The following TGFB1I1 variants were observed in gnomAD, a reference collection of about 807,000 sequenced individuals.
TGFB1I1 encodes transforming growth factor beta-1-induced transcript 1 protein.
A neutral mutation model predicts 52.0 loss-of-function variants in TGFB1I1; 33 were observed. The observed-to-expected ratio is 0.63, with a 90% CI of 0.48 to 0.85. The LOEUF (loss-of-function observed/expected upper bound fraction) is 0.85. TGFB1I1 is among the 40% of genes least tolerant of loss of function. The pLI, the probability that TGFB1I1 is intolerant of heterozygous loss-of-function variation, is 0.00. For synonymous variants in TGFB1I1, 236 were observed against 253.3 expected, an observed-to-expected ratio of 0.93 and a Z score of 0.65; for missense variants, 577 against 614.9, an observed-to-expected ratio of 0.94 and a Z score of 0.65.
At position 31,477,463 on chromosome 16, in the gene TGFB1I1, C is replaced by T. The variant is rs1213154896; in HGVS notation, c.1273C>T (p.His425Tyr). 1.9e-6 allele frequency: 3 copies of T among 1,601,704 alleles called. No homozygotes were observed. The highest frequency in any genetic ancestry group is 2.3e-5 in the East Asian group (1 of 44,190). The change falls in exon 11 of 11, where the codon CAC (histidine) becomes TAC (tyrosine). Residue 425 changes from histidine to tyrosine, a missense_variant. Coordinates refer to ENST00000394863, the MANE Select transcript of TGFB1I1 (RefSeq NM_001042454.3). This position sits in a 1 kb window ranked among gnomAD's most constrained non-coding sequence, Gnocchi z 4.7. Reference protein sequence around the residue: ...RCVSALGRRFHPDHFTCTFCL... With the variant: ...RCVSALGRRFYPDHFTCTFCL... ...CGTGTCGGCCCTGGGTCGCCGCTTC[C>T]ACCCGGACCACTTCACATGCACCTT...
Position 31,477,389 on chromosome 16 carries a change from G to A in TGFB1I1, c.1199G>A (p.Arg400Gln). ...RPLCENHFHA[R>Q]RGSLCATCGL... ...TTGTGCGAGAACCACTTCCACGCAC[G>A]ACGCGGCTCGCTGTGCGCCACGTGT... The change falls in exon 11 of 11, where the codon CGA (arginine) becomes CAA (glutamine). Residue 400 changes from arginine to glutamine, a missense_variant. Transcript: ENST00000394863. The surrounding 1 kb of genome is among the most constrained non-coding windows in gnomAD (Gnocchi z 4.7). 6.2e-7 allele frequency: 1 copy of A among 1,611,118 alleles called. No individual in the cohort carries two copies. Among genetic ancestry groups the A allele is most frequent in the Non-Finnish European group, 8.5e-7 (1 of 1,179,190 alleles).
Position 31,477,166 on chromosome 16 carries a change from G to C in TGFB1I1, c.1120-144G>C. ...CTGCTAGGAACCTCGGGTGGGGCGA[G>C]TTTTCCGGGCAGGGTCCCACCGGAC... On this transcript the variant is annotated intron_variant, in intron 10 of 10. Transcript: ENST00000394863. The surrounding 1 kb of genome is among the most constrained non-coding windows in gnomAD (Gnocchi z 4.7). The C allele has an allele frequency of 7.0e-7, 1 of 1,434,332 alleles. No homozygotes were observed. The highest frequency in any genetic ancestry group is 9.3e-7 in the Non-Finnish European group (1 of 1,078,746). 88.9% of individuals were successfully genotyped at this position (1,434,332 alleles called of 1,614,324 possible).
chr16:31,472,404 C>T, intron 1 of TGFB1I1: 1 of 976,030 alleles, frequency 1.0e-6, no homozygotes. Flanking sequence ...TCCCTTCTTC[C>T]CTCGCTGTGC....
rs1375568900 is a variant in TGFB1I1, at chr16:31,477,446, C to T, written c.1256C>T (p.Ala419Val). 2 of 1,599,984 alleles carry T rather than the reference C, an allele frequency of 1.3e-6. No individual in the cohort carries two copies. Among genetic ancestry groups the T allele is most frequent in the Non-Finnish European group, 1.7e-6 (2 of 1,173,936 alleles). ...CCTGTGACCGGCCGCTGCGTGTCGG[C>T]CCTGGGTCGCCGCTTCCACCCGGAC... ...GLPVTGRCVS[A>V]LGRRFHPDHF... is the part of the protein sequence containing the mutation. The change falls in exon 11 of 11, where the codon GCC (alanine) becomes GTC (valine). Residue 419 changes from alanine to valine, a missense_variant. Physicochemically the swap from Ala to Val is moderately conservative, Grantham distance 64. This residue lies in a region of TGFB1I1 where 456 missense variants were observed against 461.6 expected (regional missense o/e 0.99). Coordinates refer to ENST00000394863, the MANE Select transcript of TGFB1I1 (RefSeq NM_001042454.3). This position sits in a 1 kb window ranked among gnomAD's most constrained non-coding sequence, Gnocchi z 4.7.
chr16:31,477,278 G>A lies in TGFB1I1; in HGVS notation c.1120-32G>A. On this transcript the variant is annotated intron_variant, in intron 10 of 10. Coordinates refer to ENST00000394863, the MANE Select transcript of TGFB1I1 (RefSeq NM_001042454.3). The surrounding 1 kb of genome is among the most constrained non-coding windows in gnomAD (Gnocchi z 4.7). ...GTTGTCTGGCAGTGGCCGCTGACCT[G>A]TCTGTCCTCTTTCGCGGCTTCCCTT... is the stretch of plus-strand genomic sequence containing the variant. 6.3e-7 allele frequency: 1 copy of A among 1,582,824 alleles called. No individual in the cohort carries two copies. Among genetic ancestry groups the A allele is most frequent in the East Asian group, 2.3e-5 (1 of 44,414 alleles).
intron 3 of TGFB1I1, 38 bp downstream of exon 3, chr16:31,473,772 A>T (rs755866653): frequency 5.0e-6 from 8 of 1,592,286 alleles, no homozygotes; most frequent in Admixed American, 3.5e-5. Flanking sequence ...GGGCCAACTG[A>T]GTCTCAGGTG....
Position 31,477,648 on chromosome 16 carries a change from G to A in TGFB1I1, c.*72G>A, listed in dbSNP as rs912030630. The A allele has an allele frequency of 8.1e-6, 12 of 1,483,200 alleles. No individual in the cohort carries two copies. Among genetic ancestry groups the A allele is most frequent in the Middle Eastern group, 2.2e-4 (1 of 4,646 alleles). 91.9% of individuals were successfully genotyped at this position (1,483,200 alleles called of 1,614,324 possible). ...AAAAGCCGGGTCCTCCAGACCCCGA[G>A]GCCTTGCTCTCAGAGCGGGAGGCCC... On this transcript the variant is annotated 3_prime_UTR_variant, in exon 11 of 11. Coordinates refer to ENST00000394863, the MANE Select transcript of TGFB1I1 (RefSeq NM_001042454.3). This position sits in a 1 kb window ranked among gnomAD's most constrained non-coding sequence, Gnocchi z 4.7.
chr16:31,476,570 TG>T lies in TGFB1I1; in HGVS notation c.970+9del. 1 of 1,610,746 alleles carries T rather than the reference TG, an allele frequency of 6.2e-7. No homozygotes were observed. The highest frequency in any genetic ancestry group is 8.5e-7 in the Non-Finnish European group (1 of 1,178,974). Reference sequence around the variant, plus strand: ...AGCCCTTCGGAGATGAGGGTGAGAGTGAACTCGACTCCCATCTTAAAAGCTG... The same window carrying T: ...AGCCCTTCGGAGATGAGGGTGAGAGTAACTCGACTCCCATCTTAAAAGCTG... On this transcript the variant is annotated intron_variant, in intron 9 of 10. Transcript: ENST00000394863. The surrounding 1 kb of genome is among the most constrained non-coding windows in gnomAD (Gnocchi z 7.6).
Position 31,477,310 on chromosome 16 carries a change from G to A in TGFB1I1, c.1120G>A (p.Glu374Lys), listed in dbSNP as rs1437522408. 3.1e-6 allele frequency: 5 copies of A among 1,602,706 alleles called. No homozygotes were observed. In the African/African-American group the frequency reaches 6.7e-5, roughly 21 times the overall value. Reference protein sequence around the residue: ...LWHPDCFVCRECFAPFSGGSF... With the variant: ...LWHPDCFVCRKCFAPFSGGSF... The stretch of plus-strand genomic sequence containing the variant: ...CTCTTTCGCGGCTTCCCTTCCCCAG[G>A]AATGCTTCGCGCCCTTCTCGGGAGG... The change falls in exon 11 of 11, where the codon GAA becomes AAA. Residue 374 changes from glutamate to lysine, a missense_variant and splice_region_variant. Glu to Lys is a moderately conservative substitution (Grantham distance 56). Around this residue, in one of 3 missense-constraint regions of TGFB1I1, gnomAD observed 456 missense variants for 461.6 expected, o/e 0.99. Transcript: ENST00000394863. The surrounding 1 kb of genome is among the most constrained non-coding windows in gnomAD (Gnocchi z 4.7).
Position 31,476,923 on chromosome 16 carries a change from G to A in TGFB1I1, c.1032G>A (p.Pro344=), listed in dbSNP as rs2082428215. The A allele has an allele frequency of 6.2e-7, 1 of 1,608,218 alleles. No individual in the cohort carries two copies. The change falls in exon 10 of 11, where the codon CCG becomes CCA. Residue 344 remains proline (P), a synonymous_variant. Transcript: ENST00000394863. The surrounding 1 kb of genome is among the most constrained non-coding windows in gnomAD (Gnocchi z 7.6). ...CRRDFLQLFA[P]RCQGCQGPIL... The stretch of plus-strand genomic sequence containing the variant: ...GGGACTTCCTGCAGCTGTTCGCCCC[G>A]CGCTGCCAGGGCTGCCAGGGCCCCA...
At position 31,476,946 on chromosome 16, in the gene TGFB1I1, C is replaced by T; in HGVS notation, c.1055C>T (p.Pro352Leu). The change falls in exon 10 of 11, where the codon CCC (proline) becomes CTC (leucine). Residue 352 changes from proline (P) to leucine (L), a missense_variant. Physicochemically the swap from Pro to Leu is moderately conservative, Grantham distance 98 (BLOSUM62 -3). Around this residue, in one of 3 missense-constraint regions of TGFB1I1, gnomAD observed 456 missense variants for 461.6 expected, o/e 0.99. Transcript: ENST00000394863. The surrounding 1 kb of genome is among the most constrained non-coding windows in gnomAD (Gnocchi z 7.6). ...FAPRCQGCQG[P>L]ILDNYISALS... Reference sequence around the variant, plus strand: ...CCGCGCTGCCAGGGCTGCCAGGGCCCCATCCTGGATAACTACATCTCGGCG... The same window carrying T: ...CCGCGCTGCCAGGGCTGCCAGGGCCTCATCCTGGATAACTACATCTCGGCG... 1 of 1,604,564 alleles carries T rather than the reference C, an allele frequency of 6.2e-7. No individual in the cohort carries two copies. The highest frequency in any genetic ancestry group is 8.5e-7 in the Non-Finnish European group (1 of 1,178,560).
rs769565999 is a variant in TGFB1I1, at chr16:31,476,597, C to T, written c.970+35C>T. The T allele has an allele frequency of 1.8e-5, 28 of 1,591,426 alleles. No individual in the cohort carries two copies. The highest frequency in any genetic ancestry group is 2.4e-5 in the Non-Finnish European group (28 of 1,167,716). ...AACTCGACTCCCATCTTAAAAGCTG[C>T]GGGTCCCCTCGACGTCTCGCCCCAG... On this transcript the variant is annotated intron_variant, in intron 9 of 10. Coordinates refer to ENST00000394863, the MANE Select transcript of TGFB1I1 (RefSeq NM_001042454.3). The surrounding 1 kb of genome is among the most constrained non-coding windows in gnomAD (Gnocchi z 7.6).
chr16:31,473,878 G>C lies in TGFB1I1; in HGVS notation c.226G>C (p.Ala76Pro), dbSNP rs149961993. Residue 76 changes from alanine (A) to proline (P), a missense_variant, in exon 4 of 11, where the codon GCC becomes CCC. Physicochemically the swap from Ala to Pro is conservative, Grantham distance 27 (BLOSUM62 -1). Transcript: ENST00000394863. ...GTCCCCAAAGCCTGCAGCCCCGGCG[G>C]CCCCTCCATTCTCCTCTTCCAGCGG... ...PRSPKPAAPA[A>P]PPFSSSSGVL... is the part of the protein sequence containing the mutation. 8.0e-5 allele frequency: 129 copies of C among 1,614,110 alleles called. No individual in the cohort carries two copies. The African/African-American group carries it at 1.6e-3, about 20-fold the overall frequency.
In TGFB1I1 at chr16:31,474,485, T is replaced by C; in HGVS notation, c.519+30T>C. On this transcript the variant is annotated intron_variant, in intron 6 of 10. Transcript: ENST00000394863. This position sits in a 1 kb window ranked among gnomAD's most constrained non-coding sequence, Gnocchi z 4.2. ...GTTGGGCAGTGGGCCAGTGTCCATT[T>C]GTGGCTCCCCAACCCCTTCTAGACA... The C allele has an allele frequency of 1.9e-6, 3 of 1,614,004 alleles. No individual in the cohort carries two copies. The highest frequency in any genetic ancestry group is 1.7e-6 in the Non-Finnish European group (2 of 1,179,976).
intron 1 of TGFB1I1, 63 bp downstream of exon 1, chr16:31,472,264 C>T (rs1464687548): frequency 1.4e-6 from 2 of 1,423,730 alleles, no homozygotes; most frequent in South Asian, 1.5e-5. Flanking sequence ...GCCTCCCCGC[C>T]GTCGCTCTCC....
At chr16:31,475,814 T>C in intron 7 of TGFB1I1, 198 bp from the exon 8 acceptor site, 1 of 596,176 alleles carries the variant, frequency 1.7e-6, no homozygotes, top group Non-Finnish European at 2.9e-6. Context: ...GTGCCTCATG[T>C]ATAGGTCAAT....
Position 31,474,823 on chromosome 16 carries a change from G to C in TGFB1I1, c.714+66G>C. On this transcript the variant is annotated intron_variant, in intron 7 of 10. Transcript: ENST00000394863. This position sits in a 1 kb window ranked among gnomAD's most constrained non-coding sequence, Gnocchi z 4.2. The stretch of plus-strand genomic sequence containing the variant: ...CAGACCCATCTTTAGTGAGAGCTGG[G>C]CTTTATGCTGTTCCCTTTTAGTAAG... The C allele has an allele frequency of 6.9e-7, 1 of 1,448,180 alleles. No homozygotes were observed. The highest frequency in any genetic ancestry group is 2.4e-5 in the East Asian group (1 of 41,640). The allele number at this position is 1,448,180 out of a possible 1,614,324, so 89.7% of individuals were successfully genotyped here. A position where few individuals can be genotyped will look rare whatever the true frequency, so the allele number is the denominator to read the frequency against.
chr16:31,477,160 G>T lies in TGFB1I1; in HGVS notation c.1119+150G>T. On this transcript the variant is annotated intron_variant, in intron 10 of 10. Coordinates refer to ENST00000394863, the MANE Select transcript of TGFB1I1 (RefSeq NM_001042454.3). This position sits in a 1 kb window ranked among gnomAD's most constrained non-coding sequence, Gnocchi z 4.7. Reference sequence around the variant, plus strand: ...GAGGTGCTGCTAGGAACCTCGGGTGGGGCGAGTTTTCCGGGCAGGGTCCCA... The same window carrying T: ...GAGGTGCTGCTAGGAACCTCGGGTGTGGCGAGTTTTCCGGGCAGGGTCCCA... 7.0e-7 allele frequency: 1 copy of T among 1,425,380 alleles called. No individual in the cohort carries two copies. The highest frequency in any genetic ancestry group is 9.3e-7 in the Non-Finnish European group (1 of 1,071,444). The allele number at this position is 1,425,380 out of a possible 1,614,324, so 88.3% of individuals were successfully genotyped here.
At position 31,473,738 on chromosome 16, in the gene TGFB1I1, AG is replaced by A. The variant is rs1567382242; in HGVS notation, c.182+8del. 6.4e-7 allele frequency: 1 copy of A among 1,570,758 alleles called. No homozygotes were observed. The highest frequency in any genetic ancestry group is 1.4e-5 in the African/African-American group (1 of 73,840). ...GGGACAAGGACCACCTGTACAGGTGAGGGGCCTGGAAACCAGGGCATGGGGG... is the reference window on the plus strand; with the variant it reads ...GGGACAAGGACCACCTGTACAGGTGAGGGCCTGGAAACCAGGGCATGGGGG... On this transcript the variant is annotated splice_donor_5th_base_variant and intron_variant, in intron 3 of 10. Transcript: ENST00000394863.
Sources: gnomAD v4.1 joint callset for allele counts on GRCh38, gnomAD v4.1.1 for gene constraint, gnomAD v4.1.1 regional missense constraint, Gnocchi (gnomAD v3.1) non-coding constraint, MANE v1.5 for transcripts, NCBI Gene and HGNC (gene_info 2026-07-23, HGNC 2026-07-21) for gene names.